VAX2: variants seen among roughly 807,000 people sequenced by gnomAD.
The protein encoded by VAX2 is ventral anterior homeobox 2.
Under a neutral mutation model 12.5 loss-of-function variants are expected in VAX2, and 8 were observed. The ratio of observed to expected loss-of-function variants is 0.64; its 90% confidence interval spans 0.37 to 1.15. The LOEUF (loss-of-function observed/expected upper bound fraction) is 1.15. Ranked by LOEUF, VAX2 falls within the 50% of genes most tolerant of loss-of-function variation. The pLI is 0.01. For missense variants in VAX2, 476 were observed against 412.9 expected, an observed-to-expected ratio of 1.15 and a Z score of -1.32; for synonymous variants, 183 against 187.6, an observed-to-expected ratio of 0.98 and a Z score of 0.20.
chr2:70,904,751 G>T lies in VAX2; in HGVS notation c.247+3883G>T, dbSNP rs1000417775. ...TGCATGGATGCGCGGATGGCTGGGGGCTGAGGGGACGCGTGAAGCCCAGGC... is the reference window on the plus strand; with the variant it reads ...TGCATGGATGCGCGGATGGCTGGGGTCTGAGGGGACGCGTGAAGCCCAGGC... On this transcript the variant is annotated intron_variant, in intron 1 of 2. Transcript: ENST00000234392. The surrounding 1 kb of genome is among the most constrained non-coding windows in gnomAD (Gnocchi z 4.2). Among the ~76,000 whole-genome samples, 3 of 152,248 alleles carry T rather than the reference G, an allele frequency of 2.0e-5. No homozygotes were observed. Among genetic ancestry groups the T allele is most frequent in the Non-Finnish European group, 4.4e-5 (3 of 68,048 alleles).
chr2:70,902,090 G>A (rs1157620548), intron 1 of VAX2, among the ~76,000 whole-genome samples: 1 of 152,228 alleles, frequency 6.6e-6, no homozygotes, highest in Non-Finnish European at 1.5e-5. Flanking sequence ...AGGGGATTAT[G>A]TTTGATCTGA....
intron 2 of VAX2, chr2:70,924,369 T>C (rs1483728302): frequency 6.6e-6 from 1 of 151,998 alleles, no homozygotes; most frequent in Admixed American, 6.6e-5. Flanking sequence ...TATTTATTTA[T>C]GTTTACTGTA....
At chr2:70,912,490 C>T (rs377759916) in intron 1 of VAX2, among the ~76,000 whole-genome samples, 19 of 152,060 alleles carry the variant, frequency 1.2e-4, no homozygotes, top group Admixed American at 4.6e-4. Flanking sequence ...GGCGAAACCC[C>T]GTCCCTACTA....
intron 2 of VAX2, 148 bp downstream of exon 2, chr2:70,921,433 C>A: frequency 3.1e-6 from 3 of 965,046 alleles, no homozygotes; most frequent in Non-Finnish European, 4.3e-6. Flanking sequence ...TACAGGTAAA[C>A]CAGAGTGAAA....
intron 1 of VAX2, among the ~76,000 whole-genome samples, chr2:70,909,460 T>G (rs905727809): frequency 6.6e-6 from 1 of 152,166 alleles, no homozygotes; most frequent in Admixed American, 6.5e-5. Flanking sequence ...CCTGCGCCTC[T>G]CATAAAATAT....
rs1356065758 is a variant in VAX2, at chr2:70,904,160, C to T, written c.247+3292C>T. ...AAGGCCTGAGAAGGCCGCTCCACAC[C>T]TCCGCGTGCACAGTCCCTAGACCAG... On this transcript the variant is annotated intron_variant, in intron 1 of 2. Coordinates refer to ENST00000234392, the MANE Select transcript of VAX2 (RefSeq NM_012476.3). The surrounding 1 kb of genome is among the most constrained non-coding windows in gnomAD (Gnocchi z 4.2). Among the ~76,000 whole-genome samples the T allele has an allele frequency of 6.6e-6, 1 of 152,256 alleles. No homozygotes were observed. Among genetic ancestry groups the T allele is most frequent in the African/African-American group, 2.4e-5 (1 of 41,476 alleles).
chr2:70,913,590 C>T (rs7557739), intron 1 of VAX2, among the ~76,000 whole-genome samples: 1,991 of 152,078 alleles, frequency 0.013, 51 homozygotes, highest in African/African-American at 0.046. Context: ...GCAGGAGAAT[C>T]GTTCGAACCC....
chr2:70,925,635 T>TG (rs1294134857), intron 2 of VAX2, among the ~76,000 whole-genome samples: 5 of 152,174 alleles, frequency 3.3e-5, no homozygotes, highest in African/African-American at 9.7e-5. Flanking sequence ...AGAGCTCTTT[T>TG]GGGGGAAAAG....
chr2:70,911,980 T>A (rs1679195627), intron 1 of VAX2, among the ~76,000 whole-genome samples: 1 of 152,270 alleles, frequency 6.6e-6, no homozygotes, highest in African/African-American at 2.4e-5. Context: ...ACATTTAAAT[T>A]TGTGTTTATT....
intron 2 of VAX2, among the ~76,000 whole-genome samples, chr2:70,926,434 G>T (rs1480487210): frequency 1.3e-5 from 2 of 152,164 alleles, no homozygotes; most frequent in African/African-American, 4.8e-5. Context: ...AACATGGACA[G>T]CCCCACTTAG....
intron 1 of VAX2, among the ~76,000 whole-genome samples, chr2:70,906,409 C>T (rs1383435688): frequency 1.3e-5 from 2 of 151,762 alleles, no homozygotes; most frequent in Non-Finnish European, 2.9e-5. Context: ...AAGGAGTGTG[C>T]TATAAGGCCC....
chr2:70,902,755 G>C lies in VAX2; in HGVS notation c.247+1887G>C, dbSNP rs539005575. Among the ~76,000 whole-genome samples the C allele has an allele frequency of 9.2e-5, 14 of 152,362 alleles. No individual in the cohort carries two copies. In the South Asian group the frequency reaches 2.3e-3, roughly 25 times the overall value. ...GAATTCAAAAGTGACCCTCCACCCT[G>C]TGAGGTGGGGCCACCCAAGCTGGGA... On this transcript the variant is annotated intron_variant, in intron 1 of 2. Transcript: ENST00000234392.
At chr2:70,916,764 A>T (rs1679314349) in intron 1 of VAX2, among the ~76,000 whole-genome samples, 1 of 152,060 alleles carries the variant, frequency 6.6e-6, no homozygotes, top group Admixed American at 6.6e-5. Context: ...CCATTCACCC[A>T]TTGAAGGACA....
At chr2:70,914,011 C>G (rs1679254403) in intron 1 of VAX2, among the ~76,000 whole-genome samples, 1 of 152,190 alleles carries the variant, frequency 6.6e-6, no homozygotes, top group Non-Finnish European at 1.5e-5. Flanking sequence ...AAATGTACCA[C>G]TATTTGTTCA....
chr2:70,914,643 G>T (rs899205460), intron 1 of VAX2, among the ~76,000 whole-genome samples: 2 of 151,968 alleles, frequency 1.3e-5, no homozygotes, highest in Admixed American at 1.3e-4. Context: ...AACCTTATGG[G>T]ATATAAAGGG....
At chr2:70,916,692 A>G (rs943095402) in intron 1 of VAX2, among the ~76,000 whole-genome samples, 6 of 152,114 alleles carry the variant, frequency 3.9e-5, no homozygotes, top group Non-Finnish European at 8.8e-5. Flanking sequence ...GTGTGTTTCA[A>G]TCGTTCTTCC....
intron 2 of VAX2, among the ~76,000 whole-genome samples, chr2:70,921,589 G>A (rs562347342): frequency 6.6e-6 from 1 of 152,074 alleles, no homozygotes; most frequent in Non-Finnish European, 1.5e-5. Context: ...GAGTGGCTTG[G>A]GGGGGTGTTG....
chr2:70,930,572 ATCT>A (rs1190696103), intron 2 of VAX2, among the ~76,000 whole-genome samples: 6 of 152,196 alleles, frequency 3.9e-5, no homozygotes, highest in Admixed American at 3.9e-4. Context: ...AAGACTGGAC[ATCT>A]TCTGGTGTGA....
Position 70,932,820 on chromosome 2 carries a change from A to C in VAX2, c.489A>C (p.Arg163Ser). 1 of 1,610,664 alleles carries C rather than the reference A, an allele frequency of 6.2e-7. No individual in the cohort carries two copies. Among genetic ancestry groups the C allele is most frequent in the Non-Finnish European group, 8.5e-7 (1 of 1,178,490 alleles). The change falls in exon 3 of 3, where the codon AGA becomes AGC. Residue 163 changes from arginine to serine, a missense_variant. Transcript: ENST00000234392. The stretch of plus-strand genomic sequence containing the variant: ...CCAAGCAGAAGAAAGACCAGAGCAG[A>C]GACCTGGAGAAGCGGGCGTCCTCCT... ...RRTKQKKDQS[R>S]DLEKRASSSA...
Sources: allele counts gnomAD v4.1 joint callset (sites outside exome capture counted in the v4.1 genomes callset), GRCh38; gene constraint gnomAD v4.1.1; non-coding constraint Gnocchi (gnomAD v3.1); transcripts MANE v1.5; gene names NCBI Gene and HGNC (gene_info 2026-07-23, HGNC 2026-07-21).